The following LETM1 variants were observed in gnomAD, a reference collection of about 807,000 sequenced individuals.
LETM1 encodes the protein mitochondrial proton/calcium exchanger protein.
A neutral mutation model predicts 74.5 loss-of-function variants in LETM1; 50 were observed. That is an observed-to-expected ratio of 0.67 (90% CI 0.53 to 0.85). The LOEUF (loss-of-function observed/expected upper bound fraction) is 0.85. Ranked by LOEUF, LETM1 falls within the 40% of genes least tolerant of loss-of-function variation. LETM1 has a pLI of 0.00. For missense variants in LETM1, 824 were observed against 967.8 expected, an observed-to-expected ratio of 0.85 and a Z score of 1.97; for synonymous variants, 446 against 407.1, an observed-to-expected ratio of 1.10 and a Z score of -1.15.
chr4:1,851,145 T>C (rs940481033), intron 1 of LETM1, among the ~76,000 whole-genome samples: 2 of 152,120 alleles, frequency 1.3e-5, no homozygotes, highest in African/African-American at 4.8e-5. Flanking sequence ...AACTTCATGC[T>C]GGGAACAAGA....
At chr4:1,849,886 G>A (rs1028546397) in intron 1 of LETM1, among the ~76,000 whole-genome samples, 2 of 151,792 alleles carry the variant, frequency 1.3e-5, no homozygotes, top group Non-Finnish European at 2.9e-5. Flanking sequence ...GCGGGGCGCC[G>A]TGGCTCACGC....
chr4:1,823,262 C>T, intron 8 of LETM1, 131 bp from the exon 9 acceptor site: 1 of 1,261,294 alleles, frequency 7.9e-7, no homozygotes, highest in Non-Finnish European at 1.1e-6. Context: ...GGACAGAAGG[C>T]ACTGCCGAGG....
intron 6 of LETM1, among the ~76,000 whole-genome samples, chr4:1,829,066 G>A (rs1472219285): frequency 9.4e-6 from 1 of 106,864 alleles, no homozygotes; most frequent in African/African-American, 4.3e-5. Context: ...CCTCCTGGAC[G>A]GGGCGGCTGG....
At chr4:1,828,336 C>G (rs1314436566) in intron 6 of LETM1, among the ~76,000 whole-genome samples, 1 of 127,854 alleles carries the variant, frequency 7.8e-6, no homozygotes, top group East Asian at 2.5e-4. Flanking sequence ...GCTGACCCCC[C>G]CCACCTCCCT....
At position 1,815,583 on chromosome 4, in the gene LETM1, A is replaced by G. The variant is rs1711543333; in HGVS notation, c.2070+81T>C. ...GGGTAGCTGCCCAGGAGGGTGCCGG[A>G]CATGCAATGAACAGTCCCCCTGCCC... On this transcript the variant is annotated intron_variant, in intron 13 of 13. Transcript: ENST00000302787. 4 of 1,515,378 alleles carry G rather than the reference A, an allele frequency of 2.6e-6. No homozygotes were observed. In the Admixed American group the frequency reaches 5.4e-5, roughly 20 times the overall value. 93.9% of individuals were successfully genotyped at this position (1,515,378 alleles called of 1,614,324 possible).
chr4:1,849,985 T>C (rs1488763725), intron 1 of LETM1, among the ~76,000 whole-genome samples: 1 of 152,122 alleles, frequency 6.6e-6, no homozygotes, highest in Non-Finnish European at 1.5e-5. Flanking sequence ...TGAAACCTCA[T>C]CCCTACTAAA....
In LETM1 at chr4:1,812,089, C is replaced by G. The variant is rs1317736373; in HGVS notation, c.*2335G>C. 2 of 151,536 alleles carry G rather than the reference C, an allele frequency of 1.3e-5. No individual in the cohort carries two copies. Among genetic ancestry groups the G allele is most frequent in the East Asian group, 3.9e-4 (2 of 5,170 alleles). 9.4% of individuals were successfully genotyped at this position (151,536 alleles called of 1,614,324 possible). A position where few individuals can be genotyped will look rare whatever the true frequency, so the allele number is the denominator to read the frequency against. ...TGGCGGGTGCTTGTAGTCCTGGCTA[C>G]TCGGGAGGCTGAGGCAGGAGAATGG... On this transcript the variant is annotated 3_prime_UTR_variant, in exon 14 of 14. Transcript: ENST00000302787.
chr4:1,828,464 C>G (rs1712103839), intron 6 of LETM1, among the ~76,000 whole-genome samples: 1 of 123,328 alleles, frequency 8.1e-6, no homozygotes, highest in Non-Finnish European at 1.7e-5. Flanking sequence ...GGCAGAGGCG[C>G]CCCTCACCTC....
intron 2 of LETM1, among the ~76,000 whole-genome samples, chr4:1,846,982 T>C (rs942785204): frequency 6.6e-6 from 1 of 152,046 alleles, no homozygotes; most frequent in African/African-American, 2.4e-5. Flanking sequence ...TGAAAAGAAT[T>C]AATGAAAATA....
At chr4:1,837,252 C>T (rs1022385521) in intron 3 of LETM1, among the ~76,000 whole-genome samples, 1 of 152,126 alleles carries the variant, frequency 6.6e-6, no homozygotes, top group African/African-American at 2.4e-5. Flanking sequence ...AACAAGTGAG[C>T]GTTCCCAGGG....
intron 1 of LETM1, among the ~76,000 whole-genome samples, chr4:1,854,694 G>A (rs1340123175): frequency 2.6e-5 from 4 of 152,012 alleles, no homozygotes; most frequent in Admixed American, 1.3e-4. Context: ...TCGGCAGGCT[G>A]AGGTAAGAGA....
chr4:1,834,887 G>C lies in LETM1; in HGVS notation c.834C>G (p.Ala278=), dbSNP rs115242208. The change falls in exon 5 of 14, where the codon GCC becomes GCG. Residue 278 remains alanine (A), a synonymous_variant. Coordinates refer to ENST00000302787, the MANE Select transcript of LETM1 (RefSeq NM_012318.3). This position sits in a 1 kb window ranked among gnomAD's most constrained non-coding sequence, Gnocchi z 5.0. ...IEEMALKNKA[A]KGSATKDFSV... is the part of the protein sequence containing the mutation. ...AGAAGTCTTTGGTGGCGCTGCCCTTGGCTGCCTTGTTCTTCAAGGCCATCT... is the reference window on the plus strand; with the variant it reads ...AGAAGTCTTTGGTGGCGCTGCCCTTCGCTGCCTTGTTCTTCAAGGCCATCT... 7 of 1,614,176 alleles carry C rather than the reference G, an allele frequency of 4.3e-6. No individual in the cohort carries two copies. The highest frequency in any genetic ancestry group is 4.2e-6 in the Non-Finnish European group (5 of 1,180,030).
At position 1,825,660 on chromosome 4, in the gene LETM1, G is replaced by A; in HGVS notation, c.1104C>T (p.Asp368=). 1.9e-6 allele frequency: 3 copies of A among 1,613,802 alleles called. No homozygotes were observed. The highest frequency in any genetic ancestry group is 1.1e-5 in the South Asian group (1 of 91,070). ...DDKLIAEEGV[D]SLNVKELQAA... ...CCTGCAGCTCCTTGACATTCAGGCT[G>A]TCCACCCCTTCCTCAGCAATCAGCT... is the stretch of plus-strand genomic sequence containing the variant. The change falls in exon 7 of 14, where the codon GAC becomes GAT. Residue 368 remains aspartate (D), a synonymous_variant. Coordinates refer to ENST00000302787, the MANE Select transcript of LETM1 (RefSeq NM_012318.3).
Position 1,855,847 on chromosome 4 carries a change from C to T in LETM1, c.82+22G>A, listed in dbSNP as rs545916205. The stretch of plus-strand genomic sequence containing the variant: ...ACCCACCAGCCGGGAGCCGGCCCCG[C>T]CCTGGGGTGCCCGCCGCTTACCCCG... On this transcript the variant is annotated intron_variant, in intron 1 of 13. Transcript: ENST00000302787. 5.7e-4 allele frequency: 697 copies of T among 1,220,426 alleles called. 1 individual carries two copies. The highest frequency in any genetic ancestry group is 6.9e-4 in the Non-Finnish European group (674 of 980,854). 75.6% of individuals were successfully genotyped at this position (1,220,426 alleles called of 1,614,324 possible).
At chr4:1,844,591 C>T (rs1712814326) in intron 2 of LETM1, among the ~76,000 whole-genome samples, 2 of 151,908 alleles carry the variant, frequency 1.3e-5, no homozygotes, top group Non-Finnish European at 2.9e-5. Context: ...AATTAGCAGG[C>T]GTGGTGGCAC....
chr4:1,837,729 C>T (rs1033351166), intron 3 of LETM1, among the ~76,000 whole-genome samples: 2 of 125,082 alleles, frequency 1.6e-5, no homozygotes, highest in African/African-American at 3.1e-5. Flanking sequence ...TTTGAGATGG[C>T]GTCTAGCTCT....
chr4:1,827,766 C>A (rs1712050815), intron 6 of LETM1, among the ~76,000 whole-genome samples: 1 of 149,134 alleles, frequency 6.7e-6, no homozygotes, highest in Admixed American at 6.6e-5. Flanking sequence ...CACAAAGCCG[C>A]CATTGTCATC....
chr4:1,825,529 C>T (rs149649563), intron 7 of LETM1, 35 bp downstream of exon 7: 46 of 1,591,406 alleles, frequency 2.9e-5, no homozygotes, highest in African/African-American at 4.0e-5. Context: ...CCCTTGAGCC[C>T]GTGCCGGCCT....
Position 1,834,826 on chromosome 4 carries a change from C to A in LETM1, c.876+19G>T. 1.9e-6 allele frequency: 3 copies of A among 1,613,778 alleles called. No individual in the cohort carries two copies. Among genetic ancestry groups the A allele is most frequent in the Non-Finnish European group, 1.7e-6 (2 of 1,179,788 alleles). Reference sequence around the variant, plus strand: ...AGGCTCCCTGGTGAGGTCACAGGGACTCAGACGTATCACAGCACCTTCTGG... The same window carrying A: ...AGGCTCCCTGGTGAGGTCACAGGGAATCAGACGTATCACAGCACCTTCTGG... On this transcript the variant is annotated intron_variant, in intron 5 of 13. Transcript: ENST00000302787. This position sits in a 1 kb window ranked among gnomAD's most constrained non-coding sequence, Gnocchi z 5.0.
Sources: gnomAD v4.1 joint callset for allele counts (sites outside exome capture counted in the v4.1 genomes callset) on GRCh38, gnomAD v4.1.1 for gene constraint, Gnocchi (gnomAD v3.1) non-coding constraint, MANE v1.5 for transcripts, NCBI Gene and HGNC (gene_info 2026-07-23, HGNC 2026-07-21) for gene names.